The following PTPRG variants were observed in gnomAD, a reference collection of about 807,000 sequenced individuals.
PTPRG encodes the protein protein tyrosine phosphatase receptor type G, also known as receptor-type tyrosine-protein phosphatase gamma.
In PTPRG, 102 loss-of-function variants were observed where a neutral mutation model predicts 165.3. The observed-to-expected ratio is 0.62, with a 90% CI of 0.53 to 0.73. PTPRG has a LOEUF of 0.73. Ranked by LOEUF, PTPRG falls within the 30% of genes least tolerant of loss-of-function variation. The probability of loss-of-function intolerance (pLI) is 0.00; values close to 1 mark genes in which losing one functional copy is unlikely to be tolerated. For synonymous variants in PTPRG, 675 were observed against 669.5 expected, an observed-to-expected ratio of 1.01 and a Z score of -0.13; for missense variants, 1,866 against 1,861.4, an observed-to-expected ratio of 1.00 and a Z score of -0.05.
chr3:62,117,815 T>C (rs1384707369), intron 5 of PTPRG, among the ~76,000 whole-genome samples: 2 of 152,246 alleles, frequency 1.3e-5, no homozygotes, highest in Non-Finnish European at 2.9e-5. Flanking sequence ...CTAATAGATA[T>C]ATTTGCAGTA....
At chr3:62,123,551 G>C (rs969652695) in intron 5 of PTPRG, among the ~76,000 whole-genome samples, 3 of 152,032 alleles carry the variant, frequency 2.0e-5, no homozygotes, top group African/African-American at 7.2e-5. Context: ...AATAAAGCAG[G>C]CAATCACCAT....
intron 2 of PTPRG, among the ~76,000 whole-genome samples, chr3:61,832,008 G>A (rs575748887): frequency 6.6e-6 from 1 of 152,226 alleles, no homozygotes; most frequent in East Asian, 1.9e-4. Flanking sequence ...AATGTTTCTA[G>A]ATGATTTCAT....
intron 2 of PTPRG, among the ~76,000 whole-genome samples, chr3:61,757,840 T>G (rs575686271): frequency 6.6e-6 from 1 of 152,334 alleles, no homozygotes; most frequent in Admixed American, 6.5e-5. Context: ...TGAAACTACC[T>G]TCTTTGGGGA....
intron 17 of PTPRG, among the ~76,000 whole-genome samples, chr3:62,265,896 T>TATATATACACACACACACACAC (rs1553662684): frequency 1.9e-3 from 249 of 130,596 alleles, no homozygotes; most frequent in Middle Eastern, 4.0e-3. Flanking sequence ...GTGCCTTATA[T>TATATATACACACACACACACAC]ACACACACAC....
intron 16 of PTPRG, chr3:62,260,977 T>C (rs1338095931): frequency 6.6e-6 from 1 of 152,180 alleles, no homozygotes; most frequent in African/African-American, 2.4e-5. Flanking sequence ...AACAAAGAGT[T>C]TGGCCATATT....
At chr3:61,734,555 G>A (rs17065240) in intron 1 of PTPRG, among the ~76,000 whole-genome samples, 20,286 of 152,070 alleles carry the variant, frequency 0.13, 1,914 homozygotes, top group East Asian at 0.48. Flanking sequence ...TTTGGCACCC[G>A]GTTGTCCCAA....
chr3:62,106,006 T>C (rs1298915727), intron 5 of PTPRG, among the ~76,000 whole-genome samples: 2 of 152,234 alleles, frequency 1.3e-5, no homozygotes, highest in East Asian at 1.9e-4. Flanking sequence ...TTCTGCCTTA[T>C]AAATATCAAG....
chr3:62,033,036 G>C (rs1055528878), intron 4 of PTPRG, among the ~76,000 whole-genome samples: 2 of 152,152 alleles, frequency 1.3e-5, no homozygotes, highest in Non-Finnish European at 2.9e-5. Context: ...TGTTCAATTT[G>C]CCTGTGACAT....
intron 5 of PTPRG, among the ~76,000 whole-genome samples, chr3:62,130,103 G>T (rs1703456962): frequency 6.6e-6 from 1 of 152,146 alleles, no homozygotes; most frequent in Non-Finnish European, 1.5e-5. Context: ...CTGGTCAGTT[G>T]TGGGTATGGC....
Position 61,599,005 on chromosome 3 carries a change from A to C in PTPRG, c.85+36633A>C, listed in dbSNP as rs74878851. 4.5e-3 allele frequency among the ~76,000 whole-genome samples: 692 copies of C among 152,228 alleles called. 4 individuals are homozygous for C. The highest frequency in any genetic ancestry group is 0.014 in the African/African-American group (578 of 41,530). On this transcript the variant is annotated intron_variant, in intron 1 of 29. Coordinates refer to ENST00000474889, the MANE Select transcript of PTPRG (RefSeq NM_002841.4). Reference sequence around the variant, plus strand: ...AATTAATGATATCTGCAGTGACCCAATTTCAATTCAACACATACAGATGGA... The same window carrying C: ...AATTAATGATATCTGCAGTGACCCACTTTCAATTCAACACATACAGATGGA...
chr3:61,576,109 T>C (rs950304829), intron 1 of PTPRG, among the ~76,000 whole-genome samples: 1 of 152,226 alleles, frequency 6.6e-6, no homozygotes, highest in Non-Finnish European at 1.5e-5. Context: ...AACTGGCTTT[T>C]GGCTGTTGTC....
intron 7 of PTPRG, 40 bp downstream of exon 7, chr3:62,157,264 G>C (rs1704574311): frequency 6.3e-7 from 1 of 1,596,878 alleles, no homozygotes; most frequent in African/African-American, 1.3e-5. Context: ...GTGTTTACTT[G>C]TTTTGTATTG....
chr3:62,279,472 C>A (rs1356924138), intron 26 of PTPRG, among the ~76,000 whole-genome samples: 2 of 151,926 alleles, frequency 1.3e-5, no homozygotes, highest in Admixed American at 1.3e-4. Context: ...AGTTTTTATT[C>A]CCACTTTTCA....
chr3:61,913,190 C>G (rs1270098583), intron 2 of PTPRG, among the ~76,000 whole-genome samples: 2 of 152,178 alleles, frequency 1.3e-5, no homozygotes, highest in Non-Finnish European at 1.5e-5. Context: ...CCAGCAGGTA[C>G]TTTTTCAACC....
rs1466869385 is a variant in PTPRG at position 61,707,483 on chromosome 3, G to A, written c.86-41395G>A. Among the ~76,000 whole-genome samples, 3 of 152,084 alleles carry A rather than the reference G, an allele frequency of 2.0e-5. No individual in the cohort carries two copies. The East Asian group carries it at 5.8e-4, about 29-fold the overall frequency. ...ATTTTTTTTCTATTTCAGTCCAAAG[G>A]CAAGAAACAAATGTGGCCCTAGCTT... is the stretch of plus-strand genomic sequence containing the variant. On this transcript the variant is annotated intron_variant, in intron 1 of 29. Transcript: ENST00000474889.
At chr3:61,666,260 G>A (rs754531711) in intron 1 of PTPRG, among the ~76,000 whole-genome samples, 6 of 152,236 alleles carry the variant, frequency 3.9e-5, no homozygotes, top group Non-Finnish European at 7.3e-5. Flanking sequence ...AAGGTGATGA[G>A]ATTTCTCTTC....
chr3:61,693,766 G>T (rs2030373503), intron 1 of PTPRG, among the ~76,000 whole-genome samples: 1 of 152,128 alleles, frequency 6.6e-6, no homozygotes, highest in Admixed American at 6.5e-5. Flanking sequence ...AGCATGTTTG[G>T]AGGCTGAGGT....
At chr3:61,580,568 C>T (rs1700268541) in intron 1 of PTPRG, among the ~76,000 whole-genome samples, 1 of 151,934 alleles carries the variant, frequency 6.6e-6, no homozygotes, top group Admixed American at 6.6e-5. Flanking sequence ...ATCTCTTGAC[C>T]TTGTGATGTG....
At chr3:61,648,983 T>C (rs1361425403) in intron 1 of PTPRG, among the ~76,000 whole-genome samples, 2 of 152,210 alleles carry the variant, frequency 1.3e-5, no homozygotes, top group African/African-American at 2.4e-5. Context: ...TCATATAGTA[T>C]AGCAGTGTCA....
Sources: allele counts gnomAD v4.1 joint callset (sites outside exome capture counted in the v4.1 genomes callset), GRCh38; gene constraint gnomAD v4.1.1; transcripts MANE v1.5; gene names NCBI Gene and HGNC (gene_info 2026-07-23, HGNC 2026-07-21).